Variants in TOP6BL observed in about 807,000 individuals in gnomAD.
The protein encoded by TOP6BL is TOP6B like initiator of meiotic double strand breaks.
the TOP6BL span, among the ~76,000 whole-genome samples, chr11:66,806,888 T>C: frequency 6.6e-6 from 1 of 152,234 alleles, no homozygotes; most frequent in Non-Finnish European, 1.5e-5. Context: ...TGATGAAGAC[T>C]ATGCTTGGAC....
At chr11:66,769,947 G>A in the TOP6BL span, among the ~76,000 whole-genome samples, 2 of 151,604 alleles carry the variant, frequency 1.3e-5, no homozygotes, top group African/African-American at 4.8e-5. Context: ...GGGTTTCACT[G>A]TGTTAGCCAG....
chr11:66,843,437 C>G, the TOP6BL span: 14 of 1,388,156 alleles, frequency 1.0e-5, no homozygotes, highest in Non-Finnish European at 1.3e-5. Context: ...CACTGGTGCG[C>G]GCCGCGGGTC....
the TOP6BL span, among the ~76,000 whole-genome samples, chr11:66,837,829 C>G: frequency 6.6e-6 from 1 of 152,148 alleles, no homozygotes; most frequent in Non-Finnish European, 1.5e-5. Context: ...GGGTTCTGGT[C>G]TCAGTAAGAA....
At chr11:66,755,808 C>G in the TOP6BL span, among the ~76,000 whole-genome samples, 3 of 152,176 alleles carry the variant, frequency 2.0e-5, no homozygotes, top group Non-Finnish European at 4.4e-5. Flanking sequence ...CTTGGTATTT[C>G]TTAGATTGTA....
At chr11:66,843,335 G>A in the TOP6BL span, 6 of 1,490,136 alleles carry the variant, frequency 4.0e-6, no homozygotes, top group South Asian at 3.8e-5. Context: ...GTCCTCTTCC[G>A]CGTCTGCTTC....
At chr11:66,815,510 C>A in the TOP6BL span, among the ~76,000 whole-genome samples, 1 of 152,186 alleles carries the variant, frequency 6.6e-6, no homozygotes, top group Non-Finnish European at 1.5e-5. Context: ...TTTAGTCAGT[C>A]TAGCAAAGTC....
chr11:66,828,404 T>G, the TOP6BL span: 2 of 1,473,632 alleles, frequency 1.4e-6, no homozygotes, highest in Middle Eastern at 1.7e-4. Flanking sequence ...GAATCTTCCA[T>G]TTTGATATAT....
chr11:66,792,321 T>C, the TOP6BL span, among the ~76,000 whole-genome samples: 4 of 152,334 alleles, frequency 2.6e-5, no homozygotes, highest in Non-Finnish European at 5.9e-5. Flanking sequence ...TCTCATCTAC[T>C]GAACTGTGAA....
chr11:66,802,156 G>A, the TOP6BL span, among the ~76,000 whole-genome samples: 3 of 151,608 alleles, frequency 2.0e-5, no homozygotes, highest in East Asian at 1.9e-4. Context: ...GCTACCATAC[G>A]CTGCTAATTT....
chr11:66,842,690 G>A, the TOP6BL span: 1 of 697,864 alleles, frequency 1.4e-6, no homozygotes, highest in Non-Finnish European at 2.3e-6. Flanking sequence ...TGCTCCAGAA[G>A]CGCCCACAGC....
At chr11:66,795,494 G>T in the TOP6BL span, among the ~76,000 whole-genome samples, 33 of 151,902 alleles carry the variant, frequency 2.2e-4, no homozygotes, top group East Asian at 5.9e-3. Flanking sequence ...TAGAGATGGG[G>T]TTTCACCATT....
At chr11:66,817,697 A>G in the TOP6BL span, among the ~76,000 whole-genome samples, 3 of 151,986 alleles carry the variant, frequency 2.0e-5, no homozygotes, top group Admixed American at 2.0e-4. Flanking sequence ...TCAGCCCCCC[A>G]AAGTACTGGG....
chr11:66,796,784 G>GGA, the TOP6BL span, among the ~76,000 whole-genome samples: 1 of 139,522 alleles, frequency 7.2e-6, no homozygotes, highest in Non-Finnish European at 1.5e-5. Context: ...CCCTGTCTTT[G>GGA]GAAAAAAAAA....
chr11:66,782,841 T>G, the TOP6BL span, among the ~76,000 whole-genome samples: 1 of 152,210 alleles, frequency 6.6e-6, no homozygotes, highest in Non-Finnish European at 1.5e-5. Flanking sequence ...ATTTTCTATC[T>G]ACTTCATCTT....
the TOP6BL span, chr11:66,838,533 C>A: frequency 8.3e-7 from 1 of 1,202,154 alleles, no homozygotes; most frequent in Non-Finnish European, 1.2e-6. Flanking sequence ...TTCCACTGTA[C>A]CTTCTACTAC....
chr11:66,779,351 A>G, the TOP6BL span, among the ~76,000 whole-genome samples: 195 of 152,336 alleles, frequency 1.3e-3, no homozygotes, highest in Middle Eastern at 0.024. Context: ...TGGGTGAAGG[A>G]TATGAACAGA....
chr11:66,822,674 A>G, the TOP6BL span: 1 of 1,533,132 alleles, frequency 6.5e-7, no homozygotes, highest in African/African-American at 1.4e-5. Context: ...AGACCCTTCA[A>G]GTTAGTAGGA....
chr11:66,804,031 C>T, the TOP6BL span: 32 of 1,612,652 alleles, frequency 2.0e-5, no homozygotes, highest in Non-Finnish European at 2.7e-5. Flanking sequence ...CACACTGCAG[C>T]AGAATTCACC....
At chr11:66,814,930 A>AT in the TOP6BL span, among the ~76,000 whole-genome samples, 1 of 152,218 alleles carries the variant, frequency 6.6e-6, no homozygotes, top group Non-Finnish European at 1.5e-5. Context: ...AAACTGGGAA[A>AT]TTGGAGTATG....
Sources: gnomAD v4.1 joint callset for allele counts (sites outside exome capture counted in the v4.1 genomes callset) on GRCh38, gnomAD v4.1.1 for gene constraint, MANE v1.5 for transcripts, NCBI Gene and HGNC (gene_info 2026-07-23, HGNC 2026-07-21) for gene names.